Variants in MYO18B observed in about 807,000 individuals in gnomAD.
MYO18B encodes unconventional myosin-XVIIIb.
MYO18B carries 204 observed loss-of-function variants against 273.0 expected under a neutral mutation model. The ratio of observed to expected loss-of-function variants is 0.75; its 90% confidence interval spans 0.67 to 0.84. MYO18B has a LOEUF of 0.84. MYO18B is among the 40% of genes least tolerant of loss of function. MYO18B has a pLI of 0.00. For synonymous variants in MYO18B, 1,330 were observed against 1,305.7 expected (o/e 1.02, Z -0.40); for missense variants, 3,212 against 3,287.6 (o/e 0.98, Z 0.56).
At position 25,890,840 on chromosome 22, in the gene MYO18B, C is replaced by T. The variant is rs200181066; in HGVS notation, c.4399C>T (p.Arg1467Trp). Residue 1467 changes from arginine (R) to tryptophan (W), a missense_variant, in exon 26 of 44, where the codon CGG (arginine) becomes TGG (tryptophan). Coordinates refer to ENST00000335473, the MANE Select transcript of MYO18B (RefSeq NM_032608.7). ...GGTGCTGGAGAGTGAGCGGGCAGAG[C>T]GGCTACAGGCCTTCCGGGAGGTCCA... Reference protein sequence around the residue: ...CQVLESERAERLQAFREVQEL... With the variant: ...CQVLESERAEWLQAFREVQEL... The T allele has an allele frequency of 1.0e-4, 162 of 1,613,746 alleles. No individual in the cohort carries two copies. Among genetic ancestry groups the T allele is most frequent in the Admixed American group, 2.7e-4 (16 of 59,992 alleles).
chr22:25,902,600 C>A lies in MYO18B; in HGVS notation c.4824-13C>A. 6.2e-7 allele frequency: 1 copy of A among 1,605,000 alleles called. No individual in the cohort carries two copies. Among genetic ancestry groups the A allele is most frequent in the Non-Finnish European group, 8.5e-7 (1 of 1,175,928 alleles). ...TGCCTACGGGGCCCTGACACGTGCT[C>A]TGCTTTGCACAGGTTTGACCTGCAG... On this transcript the variant is annotated splice_polypyrimidine_tract_variant and intron_variant, in intron 29 of 43. Coordinates refer to ENST00000335473, the MANE Select transcript of MYO18B (RefSeq NM_032608.7).
In MYO18B at chr22:25,987,491, A is replaced by G. The variant is rs59406888; in HGVS notation, c.6157-4872A>G. Among the ~76,000 whole-genome samples, 988 of 152,236 alleles carry G rather than the reference A, an allele frequency of 6.5e-3. 10 individuals are homozygous for G. The highest frequency in any genetic ancestry group is 0.026 in the South Asian group (124 of 4,812). ...GATATATATATCCTCCATATATTAC[A>G]TATGTATCATGTATATTATGTATGC... On this transcript the variant is annotated intron_variant, in intron 39 of 43. Coordinates refer to ENST00000335473, the MANE Select transcript of MYO18B (RefSeq NM_032608.7).
At chr22:25,932,152 A>G (rs1415432700) in intron 34 of MYO18B, among the ~76,000 whole-genome samples, 3 of 152,220 alleles carry the variant, frequency 2.0e-5, no homozygotes, top group Non-Finnish European at 4.4e-5. Flanking sequence ...AAACTTACAG[A>G]GAAGTTGCAA....
Position 25,847,566 on chromosome 22 carries a change from G to C in MYO18B, c.3689G>C (p.Gly1230Ala). ...CCTGGTAGAGACAAGCCTGGGGCAG[G>C]TGGACCTCTGGCCCTGGATATCCCA... ...PQPGRDKPGAGGPLALDIPAL... is the reference protein window; with the variant it reads ...PQPGRDKPGAAGPLALDIPAL... The change falls in exon 20 of 44, where the codon GGT becomes GCT. Residue 1230 changes from glycine (G) to alanine (A), a missense_variant. Gly to Ala is a moderately conservative substitution (Grantham distance 60, BLOSUM62 0). Transcript: ENST00000335473. 1 of 1,568,452 alleles carries C rather than the reference G, an allele frequency of 6.4e-7. No individual in the cohort carries two copies. The highest frequency in any genetic ancestry group is 1.2e-5 in the South Asian group (1 of 84,922).
chr22:25,825,993 T>A (rs1159714250), intron 13 of MYO18B, among the ~76,000 whole-genome samples: 1 of 152,200 alleles, frequency 6.6e-6, no homozygotes, highest in East Asian at 1.9e-4. Flanking sequence ...ACAGCGCCTA[T>A]CTTCAGGGCA....
chr22:25,942,288 G>T (rs1398583988), intron 34 of MYO18B, among the ~76,000 whole-genome samples: 1 of 152,174 alleles, frequency 6.6e-6, no homozygotes, highest in African/African-American at 2.4e-5. Flanking sequence ...CGGAATGAAT[G>T]TGTTCATCCC....
At chr22:25,900,747 A>C (rs2091916585) in intron 29 of MYO18B, 1 of 152,418 alleles carries the variant, frequency 6.6e-6, no homozygotes, top group Admixed American at 6.5e-5. Context: ...TGTAGTAGCT[A>C]TTCTTTGGCA....
chr22:25,854,903 A>C (rs1477030475), intron 21 of MYO18B, among the ~76,000 whole-genome samples: 1 of 152,172 alleles, frequency 6.6e-6, no homozygotes, highest in Non-Finnish European at 1.5e-5. Flanking sequence ...TTACCTGTCC[A>C]TTCGACTGTC....
At chr22:25,774,961 A>G (rs79899935) in intron 7 of MYO18B, among the ~76,000 whole-genome samples, 1 of 152,240 alleles carries the variant, frequency 6.6e-6, no homozygotes, top group East Asian at 1.9e-4. Flanking sequence ...ACTTCTGTGC[A>G]TGCGTGCAAG....
chr22:25,810,911 C>T (rs1242606396), intron 12 of MYO18B, among the ~76,000 whole-genome samples: 3 of 152,132 alleles, frequency 2.0e-5, no homozygotes, highest in African/African-American at 7.2e-5. Context: ...CTGTTGTGTT[C>T]CTTGATGGGT....
At chr22:25,973,293 A>C (rs939170254) in intron 39 of MYO18B, among the ~76,000 whole-genome samples, 2 of 152,190 alleles carry the variant, frequency 1.3e-5, no homozygotes, top group African/African-American at 2.4e-5. Flanking sequence ...TATCAATCAA[A>C]AGGGTTTCCT....
chr22:26,032,761 G>A (rs998980416), downstream of MYO18B, among the ~76,000 whole-genome samples: 1 of 152,028 alleles, frequency 6.6e-6, no homozygotes, highest in African/African-American at 2.4e-5. Context: ...GACCTCAGGT[G>A]ATCCACCTGC....
At chr22:26,044,044 C>T in the MYO18B span, among the ~76,000 whole-genome samples, 2 of 152,168 alleles carry the variant, frequency 1.3e-5, no homozygotes, top group Non-Finnish European at 2.9e-5. Flanking sequence ...GGGTGTATAG[C>T]AGTATCTTTT....
intron 40 of MYO18B, among the ~76,000 whole-genome samples, chr22:26,000,314 C>T (rs8136667): frequency 0.037 from 5,567 of 152,268 alleles, 114 homozygotes; most frequent in African/African-American, 0.059. Context: ...TGGAGTGCAG[C>T]CATCCTCTGA....
intron 39 of MYO18B, among the ~76,000 whole-genome samples, chr22:25,978,716 G>A (rs1005899755): frequency 3.3e-4 from 50 of 152,226 alleles, no homozygotes; most frequent in African/African-American, 1.1e-3. Context: ...CACTTTGGGA[G>A]GCTGAGGCAG....
chr22:25,857,881 G>C (rs1184372625), intron 21 of MYO18B, among the ~76,000 whole-genome samples: 4 of 152,232 alleles, frequency 2.6e-5, no homozygotes, highest in Non-Finnish European at 5.9e-5. Flanking sequence ...TTGAACTCCT[G>C]ACCTCAGATG....
chr22:26,060,687 CAT>C, the MYO18B span, among the ~76,000 whole-genome samples: 6 of 152,200 alleles, frequency 3.9e-5, no homozygotes, highest in East Asian at 1.9e-4. Context: ...ACACTACACA[CAT>C]ATGTACATAC....
intron 39 of MYO18B, among the ~76,000 whole-genome samples, chr22:25,980,231 G>A (rs979380669): frequency 1.3e-5 from 2 of 152,162 alleles, no homozygotes; most frequent in Middle Eastern, 3.2e-3. Context: ...TAGTGCAGCC[G>A]ACTTAGGCAT....
At position 25,768,819 on chromosome 22, in the gene MYO18B, C is replaced by T. The variant is rs369200662; in HGVS notation, c.903C>T (p.Asp301=). The change falls in exon 4 of 44, where the codon GAC becomes GAT. Residue 301 remains aspartate, a synonymous_variant. Coordinates refer to ENST00000335473, the MANE Select transcript of MYO18B (RefSeq NM_032608.7). ...TGGAAAAGGGGAATGTCTCTAAGGA[C>T]GTAGGGAGTGAAGGGAAGCACGTAA... ...NTVEKGNVSK[D]VGSEGKHVRP... 7 of 1,610,862 alleles carry T rather than the reference C, an allele frequency of 4.3e-6. No homozygotes were observed. The highest frequency in any genetic ancestry group is 1.3e-5 in the African/African-American group (1 of 74,864).
Sources: allele counts gnomAD v4.1 joint callset (sites outside exome capture counted in the v4.1 genomes callset), GRCh38; gene constraint gnomAD v4.1.1; transcripts MANE v1.5; gene names NCBI Gene and HGNC (gene_info 2026-07-23, HGNC 2026-07-21).